The following IL36RN variants were observed in gnomAD, a reference collection of about 807,000 sequenced individuals.
IL36RN encodes interleukin-36 receptor antagonist protein.
IL36RN carries 11 observed loss-of-function variants against 13.0 expected under a neutral mutation model. The observed-to-expected ratio is 0.85, with a 90% CI of 0.53 to 1.40. The LOEUF is 1.40. Ranked by LOEUF, IL36RN falls within the 40% of genes most tolerant of loss-of-function variation. IL36RN has a pLI of 0.00. For synonymous variants in IL36RN, 94 were observed against 84.1 expected, an observed-to-expected ratio of 1.12 and a Z score of -0.64; for missense variants, 195 against 195.3, an observed-to-expected ratio of 1.00 and a Z score of 0.01.
Position 113,062,758 on chromosome 2 carries a change from C to T in IL36RN, c.*81C>T. 8.2e-7 allele frequency: 1 copy of T among 1,218,182 alleles called. No individual in the cohort carries two copies. Among genetic ancestry groups the T allele is most frequent in the Non-Finnish European group, 1.2e-6 (1 of 852,774 alleles). The allele number at this position is 1,218,182 out of a possible 1,614,324, so 75.5% of individuals were successfully genotyped here. On this transcript the variant is annotated 3_prime_UTR_variant, in exon 5 of 5. Coordinates refer to ENST00000393200, the MANE Select transcript of IL36RN (RefSeq NM_012275.3). ...GGAGGAGACCCATGGCGGACAATCACTCTCTCTGCTCTCAGGACCCCCACG... is the reference window on the plus strand; with the variant it reads ...GGAGGAGACCCATGGCGGACAATCATTCTCTCTGCTCTCAGGACCCCCACG...
Position 113,062,463 on chromosome 2 carries a change from T to A in IL36RN, c.254T>A (p.Ile85Asn). ...EPTLTLEPVN[I>N]MELYLGAKES... ...CTCCTCTGCCGGCAGCCAGTGAACA[T>A]CATGGAGCTCTATCTTGGTGCCAAG... Residue 85 changes from isoleucine to asparagine, a missense_variant, in exon 5 of 5, where the codon ATC becomes AAC. Ile to Asn is a moderately radical substitution (Grantham distance 149). Transcript: ENST00000393200. 1 of 1,614,026 alleles carries A rather than the reference T, an allele frequency of 6.2e-7. No homozygotes were observed. Among genetic ancestry groups the A allele is most frequent in the South Asian group, 1.1e-5 (1 of 91,074 alleles).
intron 2 of IL36RN, 92 bp downstream of exon 2, chr2:113,059,559 G>A (rs1685598691): frequency 2.1e-6 from 3 of 1,423,938 alleles, no homozygotes; most frequent in Admixed American, 1.7e-5. Context: ...GAGGGAGGAA[G>A]GGAGGGGCTG....
In IL36RN at chr2:113,060,079, A is replaced by G. The variant is rs188624017; in HGVS notation, c.29+612A>G. On this transcript the variant is annotated intron_variant, in intron 2 of 4. Coordinates refer to ENST00000393200, the MANE Select transcript of IL36RN (RefSeq NM_012275.3). ...TGGAGCTCTCTGATCAAGTAAATGCAGGGAATTCTGCTTTCTACATCCTCT... is the reference window on the plus strand; with the variant it reads ...TGGAGCTCTCTGATCAAGTAAATGCGGGGAATTCTGCTTTCTACATCCTCT... Among the ~76,000 whole-genome samples, 118 of 152,338 alleles carry G rather than the reference A, an allele frequency of 7.7e-4. 1 individual carries two copies. Among genetic ancestry groups the G allele is most frequent in the South Asian group, 3.7e-3 (18 of 4,832 alleles).
At chr2:113,060,478 TG>T (rs1685618733) in intron 2 of IL36RN, among the ~76,000 whole-genome samples, 1 of 152,154 alleles carries the variant, frequency 6.6e-6, no homozygotes, top group Non-Finnish European at 1.5e-5. Context: ...AGTGTAGCAA[TG>T]GGGAGGCTCA....
chr2:113,058,951 G>A (rs995834046), upstream of IL36RN, among the ~76,000 whole-genome samples: 3 of 152,146 alleles, frequency 2.0e-5, no homozygotes, highest in African/African-American at 7.2e-5. Flanking sequence ...GGGTCTGAAA[G>A]CCCCTGAGAT....
chr2:113,059,369 C>T (rs1685593093), intron 1 of IL36RN, 43 bp from the exon 2 acceptor site: 2 of 1,575,228 alleles, frequency 1.3e-6, no homozygotes, highest in South Asian at 1.1e-5. Context: ...CCAGCCAACT[C>T]AGCCTCTCTC....
intron 3 of IL36RN, among the ~76,000 whole-genome samples, chr2:113,061,683 T>C (rs900218147): frequency 6.6e-6 from 1 of 152,164 alleles, no homozygotes; most frequent in Non-Finnish European, 1.5e-5. Context: ...TATCTGTGTA[T>C]GTATGTATCT....
chr2:113,061,721 C>T (rs1242535670), intron 3 of IL36RN, among the ~76,000 whole-genome samples: 1 of 152,066 alleles, frequency 6.6e-6, no homozygotes, highest in Non-Finnish European at 1.5e-5. Context: ...AGGGGATGTA[C>T]AGAGAGGAAT....
Position 113,062,608 on chromosome 2 carries a change from C to T in IL36RN, c.399C>T (p.Leu133=), listed in dbSNP as rs1241013243. ...CTGAAGCCGATCAGCCTGTCAGACT[C>T]ACCCAGCTTCCCGAGAATGGTGGCT... ...TVPEADQPVR[L]TQLPENGGWN... The change falls in exon 5 of 5, where the codon CTC becomes CTT. Residue 133 remains leucine, a synonymous_variant. Coordinates refer to ENST00000393200, the MANE Select transcript of IL36RN (RefSeq NM_012275.3). 1.2e-6 allele frequency: 2 copies of T among 1,613,644 alleles called. No homozygotes were observed. The highest frequency in any genetic ancestry group is 1.1e-5 in the South Asian group (1 of 91,070).
Position 113,062,121 on chromosome 2 carries a change from C to A in IL36RN, c.116-3C>A, listed in dbSNP as rs1685653668. On this transcript the variant is annotated splice_region_variant and splice_polypyrimidine_tract_variant and intron_variant, in intron 3 of 4. Coordinates refer to ENST00000393200, the MANE Select transcript of IL36RN (RefSeq NM_012275.3). ...GGCCCTGCATCTGGCCTCTTTCCCA[C>A]AGGTGAAGAGATCAGCGTGGTCCCC... is the stretch of plus-strand genomic sequence containing the variant. 1.9e-6 allele frequency: 3 copies of A among 1,613,830 alleles called. No homozygotes were observed. Among genetic ancestry groups the A allele is most frequent in the Non-Finnish European group, 2.5e-6 (3 of 1,179,902 alleles).
chr2:113,062,110 C>A lies in IL36RN; in HGVS notation c.116-14C>A. On this transcript the variant is annotated splice_polypyrimidine_tract_variant and intron_variant, in intron 3 of 4. Coordinates refer to ENST00000393200, the MANE Select transcript of IL36RN (RefSeq NM_012275.3). ...AAGGCATCCAGGGCCCTGCATCTGG[C>A]CTCTTTCCCACAGGTGAAGAGATCA... The A allele has an allele frequency of 6.2e-7, 1 of 1,613,652 alleles. No homozygotes were observed. The highest frequency in any genetic ancestry group is 1.3e-5 in the African/African-American group (1 of 75,024).
chr2:113,060,467 T>TA (rs2105067624), intron 2 of IL36RN, among the ~76,000 whole-genome samples: 1 of 152,326 alleles, frequency 6.6e-6, no homozygotes, highest in East Asian at 1.9e-4. Context: ...CCCATCATCT[T>TA]AGTGTAGCAA....
chr2:113,063,237 C>G lies in IL36RN; in HGVS notation c.*560C>G, dbSNP rs2472188. ...ATCTTGTTGTGGGCATGAGGAGGTG[C>G]TGATGTCAGAAGAAATGGCTCGAGC... On this transcript the variant is annotated 3_prime_UTR_variant, in exon 5 of 5. Coordinates refer to ENST00000393200, the MANE Select transcript of IL36RN (RefSeq NM_012275.3). 0.65 allele frequency: 111,440 copies of G among 171,034 alleles called. 36,815 individuals carry two copies. The highest frequency in any genetic ancestry group is 0.81 in the South Asian group (5,819 of 7,224). The allele number at this position is 171,034 out of a possible 1,614,324, so 10.6% of individuals were successfully genotyped here.
At chr2:113,060,411 T>C (rs567686948) in intron 2 of IL36RN, among the ~76,000 whole-genome samples, 18 of 152,328 alleles carry the variant, frequency 1.2e-4, no homozygotes, top group Middle Eastern at 3.4e-3. Flanking sequence ...TCTTGAAGAA[T>C]TGAAGAATCA....
chr2:113,062,596 G>T lies in IL36RN; in HGVS notation c.387G>T (p.Gln129His), dbSNP rs1685666198. Residue 129 changes from glutamine (Q) to histidine (H), a missense_variant, in exon 5 of 5, where the codon CAG (glutamine) becomes CAT (histidine). By Grantham distance (24) the Gln-to-His change is conservative (BLOSUM62 0). Transcript: ENST00000393200. ...TGTGCACGGTGCCTGAAGCCGATCA[G>T]CCTGTCAGACTCACCCAGCTTCCCG... ...WFLCTVPEADQPVRLTQLPEN... is the reference protein window; with the variant it reads ...WFLCTVPEADHPVRLTQLPEN... 5.0e-6 allele frequency: 8 copies of T among 1,613,690 alleles called. No individual in the cohort carries two copies. The highest frequency in any genetic ancestry group is 5.1e-6 in the Non-Finnish European group (6 of 1,180,046).
rs763019031 is a variant in IL36RN at position 113,062,699 on chromosome 2, C to G, written c.*22C>G. 3 of 1,599,910 alleles carry G rather than the reference C, an allele frequency of 1.9e-6. No homozygotes were observed. The South Asian group carries it at 3.3e-5, about 18-fold the overall frequency. On this transcript the variant is annotated 3_prime_UTR_variant, in exon 5 of 5. Transcript: ENST00000393200. ...CTAGGGCAACGTGCCCCCCAGAACT[C>G]CCTGGGCAGAGCCAGCTCGGGTGAG...
At chr2:113,060,055 G>A (rs1033777982) in intron 2 of IL36RN, among the ~76,000 whole-genome samples, 4 of 152,172 alleles carry the variant, frequency 2.6e-5, no homozygotes, top group Non-Finnish European at 5.9e-5. Flanking sequence ...TTTACACAGT[G>A]GAGCTCTCTG....
At chr2:113,062,357 G>A in intron 4 of IL36RN, 96 bp from the exon 5 acceptor site, 1 of 1,606,258 alleles carries the variant, frequency 6.2e-7, no homozygotes, top group Non-Finnish European at 8.5e-7. Context: ...GCAGGATTCT[G>A]TTGATGGCAG....
rs1028002387 is a variant in IL36RN at position 113,064,001 on chromosome 2, T to A, written c.*1324T>A. The A allele has an allele frequency of 2.6e-5, 4 of 152,202 alleles. No homozygotes were observed. Among genetic ancestry groups the A allele is most frequent in the African/African-American group, 9.7e-5 (4 of 41,446 alleles). 9.4% of individuals were successfully genotyped at this position (152,202 alleles called of 1,614,324 possible). A position where few individuals can be genotyped will look rare whatever the true frequency, so the allele number is the denominator to read the frequency against. ...GTAGTTAGTTAAGACAAGGTCATGC[T>A]GGATGAAGGTAGACCTAAATTCAAT... is the stretch of plus-strand genomic sequence containing the variant. On this transcript the variant is annotated 3_prime_UTR_variant, in exon 5 of 5. Coordinates refer to ENST00000393200, the MANE Select transcript of IL36RN (RefSeq NM_012275.3).
Sources: allele counts gnomAD v4.1 joint callset (sites outside exome capture counted in the v4.1 genomes callset), GRCh38; gene constraint gnomAD v4.1.1; transcripts MANE v1.5; gene names NCBI Gene and HGNC (gene_info 2026-07-23, HGNC 2026-07-21).